The following OSBP2 variants were observed in gnomAD, a reference collection of about 807,000 sequenced individuals.
The protein encoded by OSBP2 is oxysterol-binding protein 2.
OSBP2 carries 66 observed loss-of-function variants against 96.0 expected under a neutral mutation model. That is an observed-to-expected ratio of 0.69 (90% CI 0.56 to 0.84). OSBP2 has a LOEUF of 0.84. Among genes scored for constraint, OSBP2 ranks in the 40% least tolerant of loss-of-function variants. The pLI is 0.00. For synonymous variants in OSBP2, 525 were observed against 520.9 expected (o/e 1.01, Z -0.11); for missense variants, 1,038 against 1,222.7 (o/e 0.85, Z 2.25).
intron 2 of OSBP2, among the ~76,000 whole-genome samples, chr22:30,745,329 A>G (rs2089985584): frequency 6.6e-6 from 1 of 152,182 alleles, no homozygotes; most frequent in African/African-American, 2.4e-5. Flanking sequence ...TAAAGAACAA[A>G]CTAAACTCAA....
In OSBP2 at chr22:30,870,650, C is replaced by G. The variant is rs1255755243; in HGVS notation, c.1075C>G (p.Leu359Val). 6.2e-7 allele frequency: 1 copy of G among 1,613,866 alleles called. No individual in the cohort carries two copies. Among genetic ancestry groups the G allele is most frequent in the Non-Finnish European group, 8.5e-7 (1 of 1,180,008 alleles). The change falls in exon 3 of 14, where the codon CTC (leucine) becomes GTC (valine). Residue 359 changes from leucine (L) to valine (V), a missense_variant. Transcript: ENST00000332585. This position sits in a 1 kb window ranked among gnomAD's most constrained non-coding sequence, Gnocchi z 4.1. ...KLKVVNERAT[L>V]FRITSNAMIN... is the part of the protein sequence containing the mutation. ...GAAGGTGGTGAATGAGCGGGCCACC[C>G]TCTTCCGCATCACATCCAATGCTAT... is the stretch of plus-strand genomic sequence containing the variant.
chr22:30,695,866 C>CT (rs1160633625), intron 1 of OSBP2, among the ~76,000 whole-genome samples: 1 of 152,136 alleles, frequency 6.6e-6, no homozygotes, highest in East Asian at 1.9e-4. Flanking sequence ...CTTGGGGCAG[C>CT]TAGCTAGAGT....
chr22:30,730,707 C>T (rs8139321), intron 1 of OSBP2, among the ~76,000 whole-genome samples: 6,359 of 103,650 alleles, frequency 0.061, 669 homozygotes, highest in African/African-American at 0.23. Context: ...GATTCAGATT[C>T]GCTGCCCTGT....
chr22:30,857,583 G>C (rs1388544260), intron 2 of OSBP2, among the ~76,000 whole-genome samples: 1 of 152,166 alleles, frequency 6.6e-6, no homozygotes, highest in Non-Finnish European at 1.5e-5. Context: ...TCGAACATGG[G>C]TCCATTTTAT....
intron 12 of OSBP2, chr22:30,902,159 G>A (rs1180805278): frequency 1.9e-6 from 1 of 525,316 alleles, no homozygotes. Context: ...AAAACAGAGG[G>A]TCCCACGGCA....
chr22:30,891,713 G>A (rs1404812556), intron 8 of OSBP2, among the ~76,000 whole-genome samples: 2 of 151,966 alleles, frequency 1.3e-5, no homozygotes, highest in African/African-American at 4.8e-5. Flanking sequence ...GTTTGCCGAC[G>A]CTTTGGATAC....
At chr22:30,752,987 C>T (rs555228755) in intron 2 of OSBP2, among the ~76,000 whole-genome samples, 1 of 152,302 alleles carries the variant, frequency 6.6e-6, no homozygotes, top group Non-Finnish European at 1.5e-5. Context: ...ATGTCCAACC[C>T]CCACTTCCCA....
chr22:30,896,145 G>A (rs1476550390), intron 12 of OSBP2, among the ~76,000 whole-genome samples: 6 of 151,586 alleles, frequency 4.0e-5, no homozygotes, highest in Admixed American at 6.6e-5. Flanking sequence ...TCAGTCTTCC[G>A]AGTAGCTGAG....
chr22:30,758,390 G>T (rs2090166588), intron 2 of OSBP2, among the ~76,000 whole-genome samples: 1 of 152,138 alleles, frequency 6.6e-6, no homozygotes, highest in Admixed American at 6.5e-5. Context: ...GACAGAGCGA[G>T]ACTCTGTCTC....
chr22:30,729,669 G>T (rs1353972635), intron 1 of OSBP2, among the ~76,000 whole-genome samples: 1 of 151,962 alleles, frequency 6.6e-6, no homozygotes, highest in Admixed American at 6.6e-5. Context: ...GTGTATATAT[G>T]TGTGTGTATA....
chr22:30,811,172 C>CT (rs1275888747), intron 2 of OSBP2, among the ~76,000 whole-genome samples: 2 of 148,460 alleles, frequency 1.3e-5, no homozygotes, highest in South Asian at 2.3e-4. Context: ...CAACCCCCCC[C>CT]CCACACATAC....
chr22:30,707,635 T>C (rs1260575406), intron 1 of OSBP2, among the ~76,000 whole-genome samples: 1 of 150,414 alleles, frequency 6.6e-6, no homozygotes, highest in African/African-American at 2.4e-5. Flanking sequence ...AGGAATGGCG[T>C]GAACCCGGGT....
chr22:30,740,172 T>G (rs943362883), intron 1 of OSBP2, among the ~76,000 whole-genome samples: 1 of 151,790 alleles, frequency 6.6e-6, no homozygotes, highest in African/African-American at 2.4e-5. Context: ...TAAGGATAAC[T>G]TGGAGGGTGG....
chr22:30,694,330 G>A, upstream of OSBP2: 1 of 1,547,682 alleles, frequency 6.5e-7, no homozygotes, highest in South Asian at 1.2e-5. Context: ...GGCCGCAGGA[G>A]CGACCCACAG....
intron 2 of OSBP2, chr22:30,803,039 G>T: frequency 5.8e-6 from 1 of 171,140 alleles, no homozygotes; most frequent in Non-Finnish European, 1.3e-5. Flanking sequence ...GAGAGGCGGT[G>T]GCAGCCGGCA....
At chr22:30,702,186 A>T (rs1473661752) in intron 1 of OSBP2, among the ~76,000 whole-genome samples, 1 of 152,072 alleles carries the variant, frequency 6.6e-6, no homozygotes, top group Non-Finnish European at 1.5e-5. Context: ...CAGTTGCCGC[A>T]TCATGGTTCA....
At chr22:30,831,125 G>A (rs980319564) in intron 2 of OSBP2, among the ~76,000 whole-genome samples, 7 of 152,316 alleles carry the variant, frequency 4.6e-5, no homozygotes, top group East Asian at 1.9e-4. Flanking sequence ...GTCAAAGGGT[G>A]TGAATGCTTC....
chr22:30,884,441 G>A (rs976709644), intron 3 of OSBP2, among the ~76,000 whole-genome samples: 2 of 152,216 alleles, frequency 1.3e-5, no homozygotes, highest in Non-Finnish European at 2.9e-5. Context: ...TCCAACTCCT[G>A]ATAGTGCACC....
At chr22:30,832,622 A>C (rs1167632808) in intron 2 of OSBP2, among the ~76,000 whole-genome samples, 1 of 152,180 alleles carries the variant, frequency 6.6e-6, no homozygotes, top group Non-Finnish European at 1.5e-5. Context: ...AGCCGCTCAC[A>C]GTTGGAATCA....
Sources: gnomAD v4.1 joint callset for allele counts (sites outside exome capture counted in the v4.1 genomes callset) on GRCh38, gnomAD v4.1.1 for gene constraint, Gnocchi (gnomAD v3.1) non-coding constraint, MANE v1.5 for transcripts, NCBI Gene and HGNC (gene_info 2026-07-23, HGNC 2026-07-21) for gene names.